Variants in CWF19L2 observed in about 807,000 individuals in gnomAD.
CWF19L2 encodes CWF19-like protein 2.
A neutral mutation model predicts 111.7 loss-of-function variants in CWF19L2; 98 were observed. The ratio of observed to expected loss-of-function variants is 0.88; its 90% CI spans 0.75 to 1.04. CWF19L2 has a LOEUF of 1.04. Among genes scored for constraint, CWF19L2 ranks in the 50% least tolerant of loss-of-function variants. The probability of loss-of-function intolerance (pLI) is 0.00; values close to 1 mark genes in which losing one functional copy is unlikely to be tolerated. For synonymous variants in CWF19L2, 351 were observed against 342.9 expected (o/e 1.02, Z -0.26); for missense variants, 1,101 against 1,051.4 (o/e 1.05, Z -0.65).
In CWF19L2 at chr11:107,447,580, C is replaced by T. The variant is rs542188062; in HGVS notation, c.340-4531G>A. Among the ~76,000 whole-genome samples, 5 of 152,324 alleles carry T rather than the reference C, an allele frequency of 3.3e-5. No homozygotes were observed. In the South Asian group the frequency reaches 1.0e-3, roughly 32 times the overall value. ...GTCATGCCTTAGTAGAAAGGCTAAA[C>T]CAGTCCTAGAGTAAAGCTATTCTAG... is the stretch of plus-strand genomic sequence containing the variant. On this transcript the variant is annotated intron_variant, in intron 3 of 17. Coordinates refer to ENST00000282251, the MANE Select transcript of CWF19L2 (RefSeq NM_152434.3).
chr11:107,407,193 C>T (rs1471502313), intron 10 of CWF19L2, among the ~76,000 whole-genome samples: 1 of 152,022 alleles, frequency 6.6e-6, no homozygotes, highest in African/African-American at 2.4e-5. Context: ...AAATTGAAAA[C>T]TGTATTTTCA....
intron 12 of CWF19L2, among the ~76,000 whole-genome samples, chr11:107,361,391 A>G (rs906273675): frequency 1.3e-5 from 2 of 152,300 alleles, no homozygotes; most frequent in African/African-American, 4.8e-5. Flanking sequence ...AGGTAATCAG[A>G]TGCCTGCAGC....
chr11:107,456,239 T>C (rs1193132376), intron 1 of CWF19L2, among the ~76,000 whole-genome samples: 3 of 152,302 alleles, frequency 2.0e-5, no homozygotes, highest in Middle Eastern at 3.4e-3. Flanking sequence ...AAGGATCATA[T>C]TGGTAATTTT....
chr11:107,446,076 GTC>G (rs1861698312), intron 3 of CWF19L2, among the ~76,000 whole-genome samples: 1 of 152,200 alleles, frequency 6.6e-6, no homozygotes, highest in South Asian at 2.1e-4. Context: ...GCCCTAGACT[GTC>G]TACCTGACTT....
At chr11:107,346,332 C>T (rs891572867) in intron 14 of CWF19L2, among the ~76,000 whole-genome samples, 1 of 152,042 alleles carries the variant, frequency 6.6e-6, no homozygotes, top group Non-Finnish European at 1.5e-5. Flanking sequence ...CACAGAGTAA[C>T]ACCTCAAAAA....
chr11:107,455,585 AAATTATT>A, intron 2 of CWF19L2, 74 bp downstream of exon 2: 1 of 766,102 alleles, frequency 1.3e-6, no homozygotes, highest in Non-Finnish European at 2.1e-6. Flanking sequence ...ACATTCTATA[AAATTATT>A]CATCCAATAT....
chr11:107,457,618 T>C (rs1861873938), intron 1 of CWF19L2, 94 bp downstream of exon 1: 1 of 880,374 alleles, frequency 1.1e-6, no homozygotes, highest in Admixed American at 2.1e-5. Context: ...GATTCAGTAC[T>C]GACGAGGTAA....
At chr11:107,425,179 A>AACACACACACACACACAC (rs138792527) in intron 8 of CWF19L2, among the ~76,000 whole-genome samples, 1 of 144,842 alleles carries the variant, frequency 6.9e-6, no homozygotes, top group African/African-American at 2.5e-5. Flanking sequence ...CTCTCTTTGA[A>AACACACACACACACACAC]ACACACACAC....
intron 12 of CWF19L2, 39 bp downstream of exon 12, chr11:107,390,035 C>T: frequency 6.3e-7 from 1 of 1,576,808 alleles, no homozygotes; most frequent in Non-Finnish European, 8.7e-7. Context: ...GAATAATCAG[C>T]TTCTCAAAAT....
At chr11:107,362,434 T>C (rs1334244402) in intron 12 of CWF19L2, among the ~76,000 whole-genome samples, 1 of 151,960 alleles carries the variant, frequency 6.6e-6, no homozygotes, top group African/African-American at 2.4e-5. Context: ...GTCTGACAGC[T>C]TTGAAGACAG....
chr11:107,338,173 C>A (rs921331952), intron 14 of CWF19L2, among the ~76,000 whole-genome samples: 1 of 152,122 alleles, frequency 6.6e-6, no homozygotes, highest in Non-Finnish European at 1.5e-5. Flanking sequence ...CAGGCTCAAG[C>A]AGTCCTCCCC....
At chr11:107,441,208 TG>T (rs1306076324) in intron 5 of CWF19L2, among the ~76,000 whole-genome samples, 1 of 152,172 alleles carries the variant, frequency 6.6e-6, no homozygotes, top group Non-Finnish European at 1.5e-5. Context: ...TAATTCAGTA[TG>T]TACACTGAAA....
chr11:107,348,540 C>A (rs1189679591), intron 14 of CWF19L2, among the ~76,000 whole-genome samples: 3 of 152,092 alleles, frequency 2.0e-5, no homozygotes, highest in Non-Finnish European at 2.9e-5. Context: ...AATACGGCAA[C>A]CGCTAAATAT....
rs1026488976 is a variant in CWF19L2, at chr11:107,388,474, C to A, written c.1872+1600G>T. On this transcript the variant is annotated intron_variant, in intron 12 of 17. Coordinates refer to ENST00000282251, the MANE Select transcript of CWF19L2 (RefSeq NM_152434.3). ...CTCAGGTCACCACAAGCTCCACCTCCCGGGTTCCAGGGATTCTCCTGCCTC... is the reference window on the plus strand; with the variant it reads ...CTCAGGTCACCACAAGCTCCACCTCACGGGTTCCAGGGATTCTCCTGCCTC... 3.3e-5 allele frequency among the ~76,000 whole-genome samples: 5 copies of A among 152,242 alleles called. No homozygotes were observed. In the South Asian group the frequency reaches 6.2e-4, roughly 19 times the overall value.
At chr11:107,433,192 G>T (rs149853348) in intron 7 of CWF19L2, among the ~76,000 whole-genome samples, 2 of 152,004 alleles carry the variant, frequency 1.3e-5, no homozygotes, top group Non-Finnish European at 2.9e-5. Flanking sequence ...TGTCCAGAAC[G>T]ATGGGGAAAC....
chr11:107,338,122 T>C (rs1182556307), intron 14 of CWF19L2, among the ~76,000 whole-genome samples: 2 of 152,136 alleles, frequency 1.3e-5, no homozygotes, highest in African/African-American at 4.8e-5. Flanking sequence ...CCAGTGGCTA[T>C]TCACAGGTGT....
chr11:107,395,530 T>C (rs980162522), intron 10 of CWF19L2, among the ~76,000 whole-genome samples: 3 of 152,224 alleles, frequency 2.0e-5, no homozygotes, highest in African/African-American at 7.2e-5. Flanking sequence ...TAATCCATCA[T>C]GGTCTGTAAA....
intron 12 of CWF19L2, among the ~76,000 whole-genome samples, chr11:107,371,484 T>C (rs1341343804): frequency 5.6e-5 from 6 of 107,548 alleles, no homozygotes; most frequent in African/African-American, 2.2e-4. Flanking sequence ...ATATTTAAAG[T>C]ACGGCATGAA....
intron 10 of CWF19L2, among the ~76,000 whole-genome samples, chr11:107,413,412 A>C (rs1861185240): frequency 6.6e-6 from 1 of 152,240 alleles, no homozygotes; most frequent in African/African-American, 2.4e-5. Flanking sequence ...AATAATAAAT[A>C]GCATAGGTAA....
Sources: allele counts gnomAD v4.1 joint callset (sites outside exome capture counted in the v4.1 genomes callset), GRCh38; gene constraint gnomAD v4.1.1; transcripts MANE v1.5; gene names NCBI Gene and HGNC (gene_info 2026-07-23, HGNC 2026-07-21).